PDE5A: variants seen among roughly 807,000 people sequenced by gnomAD.
PDE5A encodes the protein phosphodiesterase 5A.
PDE5A carries 67 observed loss-of-function variants against 110.2 expected under a neutral mutation model. That is an observed-to-expected ratio of 0.61 (90% confidence interval 0.50 to 0.75). The LOEUF (loss-of-function observed/expected upper bound fraction) is 0.75. PDE5A is among the 30% of genes least tolerant of loss of function. The pLI, the probability that PDE5A is intolerant of heterozygous loss-of-function variation, is 0.00. For missense variants in PDE5A, 862 were observed against 1,045.1 expected (o/e 0.82, Z 2.42); for synonymous variants, 328 against 351.2 (o/e 0.93, Z 0.74).
chr4:119,504,436 A>T, intron 18 of PDE5A, 100 bp downstream of exon 18: 1 of 833,336 alleles, frequency 1.2e-6, no homozygotes, highest in Non-Finnish European at 1.9e-6. Context: ...TTTTTTATAT[A>T]GTCATTTATT....
At chr4:119,538,764 C>A in intron 11 of PDE5A, 196 bp downstream of exon 11, 1 of 495,482 alleles carries the variant, frequency 2.0e-6, no homozygotes. Flanking sequence ...AAACAAATAT[C>A]AGAATCATAC....
chr4:119,547,427 T>G (rs1379312598), intron 9 of PDE5A, among the ~76,000 whole-genome samples: 1 of 151,924 alleles, frequency 6.6e-6, no homozygotes, highest in Non-Finnish European at 1.5e-5. Flanking sequence ...TTTTTTCAAT[T>G]TTTTCTTCTA....
chr4:119,569,186 T>C (rs1728051689), intron 3 of PDE5A, among the ~76,000 whole-genome samples: 1 of 151,994 alleles, frequency 6.6e-6, no homozygotes, highest in Non-Finnish European at 1.5e-5. Flanking sequence ...GGAAGGCATG[T>C]ACTACCATGC....
Position 119,519,134 on chromosome 4 carries a change from C to T in PDE5A, c.1911G>A (p.Lys637=), listed in dbSNP as rs777414618. The part of the protein sequence containing the change: ...AALKAGKIQN[K]LTDLEILALL... The stretch of plus-strand genomic sequence containing the variant: ...ATGCAAGTATCTCCAGGTCAGTCAG[C>T]TTGTTCTGCATGACCAAAGACATTG... The change falls in exon 14 of 21, where the codon AAG becomes AAA. Residue 637 remains lysine (K), a synonymous_variant. Transcript: ENST00000354960. 1.2e-6 allele frequency: 2 copies of T among 1,612,028 alleles called. No individual in the cohort carries two copies. Among genetic ancestry groups the T allele is most frequent in the Non-Finnish European group, 8.5e-7 (1 of 1,178,136 alleles).
chr4:119,596,392 G>A (rs1469810773), intron 3 of PDE5A, 131 bp downstream of exon 3: 5 of 457,560 alleles, frequency 1.1e-5, no homozygotes, highest in Non-Finnish European at 1.9e-5. Flanking sequence ...AAATCAAGCA[G>A]AACATTTAAG....
At chr4:119,518,937 G>T (rs754438924) in intron 14 of PDE5A, 108 bp downstream of exon 14, 7 of 663,312 alleles carry the variant, frequency 1.1e-5, no homozygotes, top group Non-Finnish European at 1.6e-5. Flanking sequence ...TATAACCAGA[G>T]TATGTTATGG....
intron 7 of PDE5A, among the ~76,000 whole-genome samples, chr4:119,559,095 C>G (rs148985364): frequency 1.1e-3 from 164 of 152,072 alleles, no homozygotes; most frequent in Middle Eastern, 6.8e-3. Flanking sequence ...TATCTTTATA[C>G]TAAGACTGTC....
chr4:119,618,956 G>A (rs2110562494), intron 1 of PDE5A, among the ~76,000 whole-genome samples: 1 of 152,276 alleles, frequency 6.6e-6, no homozygotes, highest in African/African-American at 2.4e-5. Flanking sequence ...ACTTTTGGGG[G>A]AGATTTGCAG....
intron 14 of PDE5A, chr4:119,517,123 T>C: frequency 6.6e-6 from 1 of 152,232 alleles, no homozygotes; most frequent in East Asian, 1.9e-4. Flanking sequence ...CAGGGTAATT[T>C]TCTGAAAAGA....
chr4:119,538,743 C>T, intron 11 of PDE5A: 1 of 472,684 alleles, frequency 2.1e-6, no homozygotes, highest in Non-Finnish European at 3.9e-6. Flanking sequence ...ATGATTATAA[C>T]AATTACTGGA....
At chr4:119,581,284 G>A (rs1249365838) in intron 3 of PDE5A, among the ~76,000 whole-genome samples, 1 of 152,190 alleles carries the variant, frequency 6.6e-6, no homozygotes, top group Non-Finnish European at 1.5e-5. Flanking sequence ...TGGTATCAAA[G>A]GGGTTGAGAG....
Position 119,612,429 on chromosome 4 carries a change from A to G in PDE5A, c.153-5132T>C, listed in dbSNP as rs187840016. 4.2e-4 allele frequency among the ~76,000 whole-genome samples: 64 copies of G among 152,256 alleles called. 1 individual carries two copies. In the East Asian group the frequency reaches 9.1e-3, roughly 22 times the overall value. On this transcript the variant is annotated intron_variant, in intron 1 of 20. Transcript: ENST00000354960. Reference sequence around the variant, plus strand: ...TCTCATTCTTGCTCCTGCTCTTGCTATAACTTTCTCACCATATGATATGCA... The same window carrying G: ...TCTCATTCTTGCTCCTGCTCTTGCTGTAACTTTCTCACCATATGATATGCA...
intron 6 of PDE5A, among the ~76,000 whole-genome samples, chr4:119,562,308 C>A (rs574564679): frequency 4.9e-4 from 74 of 152,306 alleles, no homozygotes; most frequent in African/African-American, 1.7e-3. Flanking sequence ...GTTAGAACAG[C>A]TTAGTGGTTT....
At chr4:119,603,618 A>G (rs1729422976) in intron 2 of PDE5A, among the ~76,000 whole-genome samples, 1 of 16,214 alleles carries the variant, frequency 6.2e-5, no homozygotes, top group African/African-American at 1.3e-4. Flanking sequence ...ATAAAACTAT[A>G]GAATTTTCAA....
chr4:119,555,820 C>A (rs1205796893), intron 7 of PDE5A, among the ~76,000 whole-genome samples: 1 of 152,038 alleles, frequency 6.6e-6, no homozygotes, highest in Non-Finnish European at 1.5e-5. Context: ...TATTTAACTC[C>A]TTGAAATTTT....
chr4:119,524,687 G>C (rs1320625955), intron 12 of PDE5A, among the ~76,000 whole-genome samples: 1 of 152,110 alleles, frequency 6.6e-6, no homozygotes, highest in Non-Finnish European at 1.5e-5. Flanking sequence ...AGGCCTTCAA[G>C]ATATTTAAAT....
At chr4:119,536,309 C>A (rs551249252) in intron 11 of PDE5A, among the ~76,000 whole-genome samples, 1 of 151,956 alleles carries the variant, frequency 6.6e-6, no homozygotes, top group Admixed American at 6.6e-5. Flanking sequence ...TAACCTAGAA[C>A]AACACATATA....
chr4:119,615,937 A>T (rs74464300), intron 1 of PDE5A, among the ~76,000 whole-genome samples: 2,854 of 152,304 alleles, frequency 0.019, 46 homozygotes, highest in Non-Finnish European at 0.031. Flanking sequence ...TGAAGCCAAT[A>T]ATTTATAGTC....
At chr4:119,580,404 C>T (rs116364043) in intron 3 of PDE5A, among the ~76,000 whole-genome samples, 263 of 152,266 alleles carry the variant, frequency 1.7e-3, no homozygotes, top group African/African-American at 6.0e-3. Context: ...TTAAAAACTG[C>T]CAGAGACACA....
Sources: gnomAD v4.1 joint callset for allele counts (sites outside exome capture counted in the v4.1 genomes callset) on GRCh38, gnomAD v4.1.1 for gene constraint, MANE v1.5 for transcripts, NCBI Gene and HGNC (gene_info 2026-07-23, HGNC 2026-07-21) for gene names.